The following NCALD variants were observed in gnomAD, a reference collection of about 807,000 sequenced individuals.
NCALD encodes the protein neurocalcin-delta.
NCALD carries 10 observed loss-of-function variants against 18.6 expected under a neutral mutation model. The ratio of observed to expected loss-of-function variants is 0.54; its 90% CI spans 0.33 to 0.91. NCALD has a LOEUF of 0.91. NCALD is among the 40% of genes least tolerant of loss of function. NCALD has a pLI of 0.03. For missense variants in NCALD, 184 were observed against 247.6 expected (o/e 0.74, Z 1.72); for synonymous variants, 88 against 87.4 (o/e 1.01, Z -0.04).
intron 2 of NCALD, among the ~76,000 whole-genome samples, chr8:101,929,447 G>C (rs1468274651): frequency 1.9e-5 from 1 of 53,746 alleles, no homozygotes; most frequent in Non-Finnish European, 3.6e-5. Flanking sequence ...GGAAAGGAGG[G>C]AGGGAGGGAG....
intron 3 of NCALD, chr8:101,691,023 C>A (rs1037308426): frequency 1.0e-6 from 1 of 985,358 alleles, no homozygotes; most frequent in South Asian, 4.7e-5. Flanking sequence ...CTTTTCAAAT[C>A]GGAGGCCAGA....
At chr8:101,872,214 G>T in intron 4 of NCALD, 1 of 1,511,134 alleles carries the variant, frequency 6.6e-7, no homozygotes, top group Non-Finnish European at 9.2e-7. Flanking sequence ...TGACCCACAA[G>T]CCCTCACTGG....
chr8:102,065,245 C>T (rs1480894467), intron 1 of NCALD, among the ~76,000 whole-genome samples: 1 of 148,104 alleles, frequency 6.8e-6, no homozygotes, highest in East Asian at 1.9e-4. Context: ...TGATGTGAAT[C>T]AGTGAAGGCT....
rs77831952 is a variant in NCALD at position 101,890,418 on chromosome 8, T to C, written c.-106-3191A>G. Among the ~76,000 whole-genome samples, 433 of 152,320 alleles carry C rather than the reference T, an allele frequency of 2.8e-3. 1 individual carries two copies. Among genetic ancestry groups the C allele is most frequent in the Middle Eastern group, 6.8e-3 (2 of 294 alleles). ...AATCACTCCTATGTATATTCTCTAG[T>C]GCTATGGTTTGAATGACAGTGTCCC... On this transcript the variant is annotated intron_variant, in intron 3 of 6. Transcript: ENST00000311028.
At chr8:101,816,616 A>G (rs1192102674) in intron 4 of NCALD, among the ~76,000 whole-genome samples, 1 of 152,028 alleles carries the variant, frequency 6.6e-6, no homozygotes, top group East Asian at 1.9e-4. Flanking sequence ...TTAAATTTGT[A>G]TGTTTTTCTC....
chr8:102,119,693 C>A (rs1825888250), intron 1 of NCALD, among the ~76,000 whole-genome samples: 1 of 152,138 alleles, frequency 6.6e-6, no homozygotes. Context: ...ACCACCATCC[C>A]CAGGAAGGGA....
intron 1 of NCALD, among the ~76,000 whole-genome samples, chr8:102,059,668 T>C (rs1052930082): frequency 1.3e-5 from 2 of 152,220 alleles, no homozygotes; most frequent in African/African-American, 4.8e-5. Context: ...AAGGAAAAGA[T>C]TGAGTATTTA....
chr8:101,926,105 C>G (rs1469736998), intron 2 of NCALD, among the ~76,000 whole-genome samples: 1 of 152,158 alleles, frequency 6.6e-6, no homozygotes, highest in Non-Finnish European at 1.5e-5. Context: ...AGCCCCAGCC[C>G]ACTGCAGTCT....
chr8:101,817,693 A>C (rs377046947), intron 4 of NCALD, among the ~76,000 whole-genome samples: 2 of 152,162 alleles, frequency 1.3e-5, no homozygotes, highest in Non-Finnish European at 1.5e-5. Context: ...AGTTCAGAGC[A>C]TCCCATTCAC....
chr8:102,088,888 G>A (rs1464391264), intron 1 of NCALD, among the ~76,000 whole-genome samples: 1 of 152,220 alleles, frequency 6.6e-6, no homozygotes, highest in East Asian at 1.9e-4. Flanking sequence ...TTCAAATTAT[G>A]AGACAGTTCT....
chr8:101,961,175 T>C (rs1016862153), intron 2 of NCALD, among the ~76,000 whole-genome samples: 1 of 152,176 alleles, frequency 6.6e-6, no homozygotes, highest in African/African-American at 2.4e-5. Flanking sequence ...AAATGAATGC[T>C]AGCTATTACA....
chr8:102,072,058 G>C (rs190123335), intron 1 of NCALD, among the ~76,000 whole-genome samples: 63 of 149,582 alleles, frequency 4.2e-4, no homozygotes, highest in African/African-American at 1.4e-3. Flanking sequence ...GACTTAAACG[G>C]CCAGACTTCA....
At chr8:101,775,470 C>A (rs1353066896) in intron 1 of NCALD, among the ~76,000 whole-genome samples, 1 of 152,190 alleles carries the variant, frequency 6.6e-6, no homozygotes, top group Non-Finnish European at 1.5e-5. Flanking sequence ...CCAAGCCCCA[C>A]CTCTGTAGAT....
At chr8:101,990,348 C>G (rs1336067066) in intron 2 of NCALD, among the ~76,000 whole-genome samples, 1 of 152,108 alleles carries the variant, frequency 6.6e-6, no homozygotes, top group African/African-American at 2.4e-5. Flanking sequence ...CCACTGAAGT[C>G]CTGATTAATT....
intron 2 of NCALD, among the ~76,000 whole-genome samples, chr8:101,978,215 C>T (rs1329972064): frequency 6.6e-6 from 1 of 151,944 alleles, no homozygotes; most frequent in South Asian, 2.1e-4. Flanking sequence ...ACTATGTTTA[C>T]CTCTTTTTTC....
chr8:101,801,492 A>G (rs1009782801), intron 4 of NCALD, among the ~76,000 whole-genome samples: 27 of 152,052 alleles, frequency 1.8e-4, no homozygotes, highest in African/African-American at 6.5e-4. Flanking sequence ...AATGACTGAA[A>G]TCACAGAGAA....
chr8:101,817,619 T>G (rs1229900354), intron 4 of NCALD, among the ~76,000 whole-genome samples: 2 of 151,300 alleles, frequency 1.3e-5, no homozygotes, highest in Admixed American at 6.6e-5. Flanking sequence ...TACATTTTAC[T>G]GTCCAGCTGC....
At chr8:101,981,446 T>C (rs553264328) in intron 2 of NCALD, among the ~76,000 whole-genome samples, 14 of 152,364 alleles carry the variant, frequency 9.2e-5, no homozygotes, top group Admixed American at 7.8e-4. Flanking sequence ...TAAAAACATT[T>C]TATAACCTTT....
intron 2 of NCALD, among the ~76,000 whole-genome samples, chr8:101,950,686 C>G (rs78700851): frequency 0.042 from 6,321 of 152,246 alleles, 308 homozygotes; most frequent in African/African-American, 0.11. Flanking sequence ...TGTGTCCCCC[C>G]ACTTGTTCCT....
Sources: gnomAD v4.1 joint callset for allele counts (sites outside exome capture counted in the v4.1 genomes callset) on GRCh38, gnomAD v4.1.1 for gene constraint, MANE v1.5 for transcripts, NCBI Gene and HGNC (gene_info 2026-07-23, HGNC 2026-07-21) for gene names.